Variants in ERICH3 observed in about 807,000 individuals in gnomAD.
ERICH3 encodes the protein glutamate rich 3.
In ERICH3, 126 loss-of-function variants were observed where a neutral mutation model predicts 131.1. That is an observed-to-expected ratio of 0.96 (90% CI 0.83 to 1.11). The LOEUF (loss-of-function observed/expected upper bound fraction) is 1.11, where lower values mean the gene tolerates loss of function less well. Ranked by LOEUF, ERICH3 falls within the 50% of genes most tolerant of loss-of-function variation. The pLI is 0.00. For missense variants in ERICH3, 2,050 were observed against 1,810.7 expected (o/e 1.13, Z -2.40); for synonymous variants, 695 against 644.6 (o/e 1.08, Z -1.18).
In ERICH3 at chr1:74,620,794, A is replaced by T; in HGVS notation, c.940T>A (p.Tyr314Asn). 6.2e-7 allele frequency: 1 copy of T among 1,613,530 alleles called. No homozygotes were observed. Among genetic ancestry groups the T allele is most frequent in the Non-Finnish European group, 8.5e-7 (1 of 1,179,722 alleles). Residue 314 changes from tyrosine to asparagine, a missense_variant, in exon 8 of 15, where the codon TAT becomes AAT. Transcript: ENST00000326665. ...NPDFRDEIKV[Y>N]QQHCGGENLC... ...TTTTCCCCACCACAGTGCTGCTGATAAACTTTAATTTCATCCCGGAAGTCA... is the reference window on the plus strand; with the variant it reads ...TTTTCCCCACCACAGTGCTGCTGATTAACTTTAATTTCATCCCGGAAGTCA...
At chr1:74,647,745 T>TA (rs1646498107) in intron 2 of ERICH3, among the ~76,000 whole-genome samples, 1 of 152,180 alleles carries the variant, frequency 6.6e-6, no homozygotes, top group Non-Finnish European at 1.5e-5. Flanking sequence ...CTGCTAACTG[T>TA]AGTTTTTAAC....
intron 8 of ERICH3, among the ~76,000 whole-genome samples, chr1:74,617,725 T>C (rs976283560): frequency 1.4e-4 from 21 of 152,216 alleles, no homozygotes; most frequent in Non-Finnish European, 2.8e-4. Context: ...ACAAGGGAAC[T>C]TCCTGAAGTG....
intron 1 of ERICH3, among the ~76,000 whole-genome samples, chr1:74,658,641 G>A (rs557043306): frequency 1.3e-5 from 2 of 152,004 alleles, no homozygotes; most frequent in African/African-American, 2.4e-5. Context: ...TCATCCAAAT[G>A]TCTGTCATTT....
intron 1 of ERICH3, among the ~76,000 whole-genome samples, chr1:74,649,602 T>G (rs960340869): frequency 1.3e-5 from 2 of 152,142 alleles, no homozygotes; most frequent in South Asian, 4.2e-4. Context: ...ATGCAAAAAG[T>G]CATGGCAGCA....
intron 1 of ERICH3, among the ~76,000 whole-genome samples, chr1:74,656,286 G>C (rs1646582918): frequency 6.6e-6 from 1 of 152,032 alleles, no homozygotes; most frequent in Non-Finnish European, 1.5e-5. Context: ...TCTCCATCTA[G>C]GTTGCCTTAA....
intron 4 of ERICH3, among the ~76,000 whole-genome samples, chr1:74,641,741 T>C (rs868775245): frequency 1.4e-4 from 22 of 152,122 alleles, no homozygotes; most frequent in African/African-American, 5.1e-4. Flanking sequence ...TGAGCTTTAC[T>C]ACTGCGATCA....
intron 7 of ERICH3, among the ~76,000 whole-genome samples, chr1:74,631,254 C>A (rs1352752237): frequency 2.6e-5 from 4 of 152,068 alleles, no homozygotes; most frequent in Non-Finnish European, 5.9e-5. Context: ...GAAATCAGTA[C>A]AACAAACTGT....
chr1:74,622,590 T>C (rs1442564530), intron 7 of ERICH3: 1 of 152,182 alleles, frequency 6.6e-6, no homozygotes, highest in East Asian at 1.9e-4. Flanking sequence ...TTTAATGAAG[T>C]GACTGATTAA....
At chr1:74,633,417 A>C (rs942183348) in intron 6 of ERICH3, among the ~76,000 whole-genome samples, 5 of 151,996 alleles carry the variant, frequency 3.3e-5, no homozygotes, top group African/African-American at 1.2e-4. Context: ...TAAGTAAAAA[A>C]TAATGACAAG....
chr1:74,649,925 A>G (rs1177002027), intron 1 of ERICH3, among the ~76,000 whole-genome samples: 3 of 151,818 alleles, frequency 2.0e-5, no homozygotes, highest in African/African-American at 7.3e-5. Flanking sequence ...CTCCTACCCC[A>G]TAAGACCCTG....
At chr1:74,607,597 C>T (rs549697523) in intron 9 of ERICH3, among the ~76,000 whole-genome samples, 1 of 151,910 alleles carries the variant, frequency 6.6e-6, no homozygotes, top group African/African-American at 2.4e-5. Flanking sequence ...GTCTGCACTA[C>T]AGTCTTCTGG....
At chr1:74,582,846 A>G (rs1207379436) in intron 12 of ERICH3, among the ~76,000 whole-genome samples, 1 of 152,170 alleles carries the variant, frequency 6.6e-6, no homozygotes, top group Non-Finnish European at 1.5e-5. Flanking sequence ...TTGATTTAAC[A>G]AAAAAATATT....
intron 6 of ERICH3, chr1:74,634,702 T>A (rs753582525): frequency 1.4e-6 from 1 of 710,430 alleles, no homozygotes; most frequent in South Asian, 1.5e-5. Context: ...AAGTACTATC[T>A]AGGGGAGAGG....
At position 74,673,545 on chromosome 1, in the gene ERICH3, G is replaced by A. The variant is rs1488897849; in HGVS notation, c.-26C>T. ...TTTTGCAGGATCCCTTTTGGACCCCGCGGCAGGTGCGGAGGGTGGGTGCGT... is the reference window on the plus strand; with the variant it reads ...TTTTGCAGGATCCCTTTTGGACCCCACGGCAGGTGCGGAGGGTGGGTGCGT... On this transcript the variant is annotated 5_prime_UTR_variant, in exon 1 of 15. Coordinates refer to ENST00000326665, the MANE Select transcript of ERICH3 (RefSeq NM_001002912.5). The A allele has an allele frequency of 1.2e-6, 2 of 1,609,878 alleles. No homozygotes were observed. Among genetic ancestry groups the A allele is most frequent in the Admixed American group, 1.7e-5 (1 of 59,644 alleles).
chr1:74,672,442 T>C (rs905590823), intron 1 of ERICH3, among the ~76,000 whole-genome samples: 7 of 152,208 alleles, frequency 4.6e-5, no homozygotes, highest in Non-Finnish European at 1.0e-4. Context: ...ATGGCTTTAG[T>C]TTTTTCAAAC....
intron 11 of ERICH3, among the ~76,000 whole-genome samples, chr1:74,597,832 T>C (rs1185440410): frequency 6.6e-6 from 1 of 151,958 alleles, no homozygotes; most frequent in East Asian, 1.9e-4. Flanking sequence ...TAGAAAAACC[T>C]ATTTTAAAAT....
intron 10 of ERICH3, among the ~76,000 whole-genome samples, chr1:74,603,634 G>A (rs1648248346): frequency 6.6e-6 from 1 of 151,774 alleles, no homozygotes; most frequent in African/African-American, 2.4e-5. Flanking sequence ...TGCAGGTTCA[G>A]TTCCAGGCCA....
intron 1 of ERICH3, among the ~76,000 whole-genome samples, chr1:74,662,315 C>T (rs539257923): frequency 6.6e-6 from 1 of 152,194 alleles, no homozygotes; most frequent in South Asian, 2.1e-4. Context: ...ATTGAAGTTC[C>T]ATGTCTCCAG....
rs759265466 is a variant in ERICH3, at chr1:74,606,886, C to T, written c.1204G>A (p.Gly402Ser). The T allele has an allele frequency of 1.2e-6, 2 of 1,611,546 alleles. No individual in the cohort carries two copies. Among genetic ancestry groups the T allele is most frequent in the Non-Finnish European group, 1.7e-6 (2 of 1,178,810 alleles). Reference protein sequence around the residue: ...SPCYKCIIAMGLDKKPSLPKS... With the variant: ...SPCYKCIIAMSLDKKPSLPKS... ...GGCAAAGACGGTTTTTTGTCAAGGC[C>T]CATTGCAATAATGCACCTATGAAAA... The change falls in exon 10 of 15, where the codon GGC (glycine) becomes AGC (serine). Residue 402 changes from glycine to serine, a missense_variant. Coordinates refer to ENST00000326665, the MANE Select transcript of ERICH3 (RefSeq NM_001002912.5).
Sources: gnomAD v4.1 joint callset for allele counts (sites outside exome capture counted in the v4.1 genomes callset) on GRCh38, gnomAD v4.1.1 for gene constraint, MANE v1.5 for transcripts, NCBI Gene and HGNC (gene_info 2026-07-23, HGNC 2026-07-21) for gene names.